The following CAMKMT variants were observed in gnomAD, a reference collection of about 807,000 sequenced individuals.
The protein encoded by CAMKMT is CaM KMT.
CAMKMT carries 53 observed loss-of-function variants against 48.0 expected under a neutral mutation model. The observed-to-expected ratio is 1.10, with a 90% CI of 0.89 to 1.39. The LOEUF (loss-of-function observed/expected upper bound fraction) is 1.39. Ranked by LOEUF, CAMKMT falls within the 40% of genes most tolerant of loss-of-function variation. The probability of loss-of-function intolerance (pLI) is 0.00; values close to 1 mark genes in which losing one functional copy is unlikely to be tolerated. For synonymous variants in CAMKMT, 165 were observed against 152.3 expected, an observed-to-expected ratio of 1.08 and a Z score of -0.61; for missense variants, 428 against 402.7, an observed-to-expected ratio of 1.06 and a Z score of -0.54.
chr2:44,683,836 A>AAAG (rs1676175450), intron 3 of CAMKMT, among the ~76,000 whole-genome samples: 2 of 150,602 alleles, frequency 1.3e-5, no homozygotes, highest in Non-Finnish European at 3.0e-5. Flanking sequence ...AAAAAAAAAA[A>AAAG]AAAAAAAGAA....
rs189470988 is a variant in CAMKMT at position 44,390,864 on chromosome 2, C to T, written c.376+559C>T. On this transcript the variant is annotated intron_variant, in intron 3 of 10. Coordinates refer to ENST00000378494, the MANE Select transcript of CAMKMT (RefSeq NM_024766.5). Reference sequence around the variant, plus strand: ...CTGATTAATTGGTGATAGATTTGTCCACTGAGAAAATCACTTAAATATTTC... The same window carrying T: ...CTGATTAATTGGTGATAGATTTGTCTACTGAGAAAATCACTTAAATATTTC... 5.3e-3 allele frequency among the ~76,000 whole-genome samples: 800 copies of T among 152,122 alleles called. 9 individuals carry two copies. Among genetic ancestry groups the T allele is most frequent in the African/African-American group, 0.018 (755 of 41,476 alleles).
chr2:44,703,914 T>C (rs1414600581), intron 3 of CAMKMT, among the ~76,000 whole-genome samples: 1 of 152,162 alleles, frequency 6.6e-6, no homozygotes, highest in South Asian at 2.1e-4. Flanking sequence ...TAATATGGGC[T>C]GCATATATAA....
chr2:44,500,304 G>C (rs1669945287), intron 3 of CAMKMT, among the ~76,000 whole-genome samples: 1 of 152,036 alleles, frequency 6.6e-6, no homozygotes, highest in African/African-American at 2.4e-5. Flanking sequence ...TTTTGAATTA[G>C]CCTCCCTTTT....
rs931290263 is a variant in CAMKMT, at chr2:44,581,163, T to G, written c.377-123120T>G. On this transcript the variant is annotated intron_variant, in intron 3 of 10. Coordinates refer to ENST00000378494, the MANE Select transcript of CAMKMT (RefSeq NM_024766.5). ...CCGATGAGATCAAAAGGAGAAATTT[T>G]CAAAGATTACCTTTTCTGAATTTGT... 3.9e-5 allele frequency among the ~76,000 whole-genome samples: 6 copies of G among 152,330 alleles called. No individual in the cohort carries two copies. The East Asian group carries it at 1.2e-3, about 29-fold the overall frequency.
intron 3 of CAMKMT, among the ~76,000 whole-genome samples, chr2:44,423,289 C>T (rs943046293): frequency 1.3e-5 from 2 of 152,124 alleles, no homozygotes; most frequent in African/African-American, 4.8e-5. Flanking sequence ...AAGTGATTCT[C>T]CTGCCTCAGC....
chr2:44,631,565 A>T, intron 3 of CAMKMT: 1 of 573,152 alleles, frequency 1.7e-6, no homozygotes, highest in Non-Finnish European at 3.1e-6. Flanking sequence ...CAGCCTCCCA[A>T]AGTGTGATTA....
intron 3 of CAMKMT, among the ~76,000 whole-genome samples, chr2:44,593,763 C>T (rs1373186544): frequency 9.8e-5 from 12 of 122,684 alleles, no homozygotes; most frequent in South Asian, 2.6e-4. Flanking sequence ...AGACAACTTC[C>T]TTTTTTTTTT....
intron 3 of CAMKMT, among the ~76,000 whole-genome samples, chr2:44,479,096 TA>T (rs1359011655): frequency 6.6e-6 from 1 of 152,228 alleles, no homozygotes; most frequent in Non-Finnish European, 1.5e-5. Flanking sequence ...TAAATATCTT[TA>T]AAAATGTATA....
In CAMKMT at chr2:44,593,844, A is replaced by G. The variant is rs182430757; in HGVS notation, c.377-110439A>G. 5.5e-3 allele frequency among the ~76,000 whole-genome samples: 785 copies of G among 142,050 alleles called. 4 individuals are homozygous for G. Among genetic ancestry groups the G allele is most frequent in the African/African-American group, 0.02 (758 of 38,000 alleles). The allele number at this position is 142,050 out of a possible 152,430, so 93.2% of individuals were successfully genotyped here. ...AATGGCGTGATCTCAGCTCACCACA[A>G]CCTCTGCCTCCCGGGTTCAAGCGAT... On this transcript the variant is annotated intron_variant, in intron 3 of 10. Coordinates refer to ENST00000378494, the MANE Select transcript of CAMKMT (RefSeq NM_024766.5).
At chr2:44,404,935 A>G (rs1295573032) in intron 3 of CAMKMT, among the ~76,000 whole-genome samples, 1 of 152,134 alleles carries the variant, frequency 6.6e-6, no homozygotes, top group Non-Finnish European at 1.5e-5. Flanking sequence ...CTATATAACT[A>G]GTGCTCCAAA....
At chr2:44,635,300 G>A (rs1433420956) in intron 3 of CAMKMT, among the ~76,000 whole-genome samples, 1 of 152,124 alleles carries the variant, frequency 6.6e-6, no homozygotes, top group Non-Finnish European at 1.5e-5. Flanking sequence ...GGTACCCTAA[G>A]GGGCTAGTTA....
chr2:44,677,217 C>T (rs1675751288), intron 3 of CAMKMT, among the ~76,000 whole-genome samples: 1 of 152,110 alleles, frequency 6.6e-6, no homozygotes, highest in Non-Finnish European at 1.5e-5. Context: ...TAAGAGCAGT[C>T]GGAGGGATTA....
At chr2:44,663,986 G>A (rs771764626) in intron 3 of CAMKMT, among the ~76,000 whole-genome samples, 4 of 152,214 alleles carry the variant, frequency 2.6e-5, no homozygotes, top group Non-Finnish European at 4.4e-5. Flanking sequence ...GATGGGGGAG[G>A]TACAGTTTAA....
chr2:44,572,002 TA>T (rs1273622311), intron 3 of CAMKMT, among the ~76,000 whole-genome samples: 1 of 152,196 alleles, frequency 6.6e-6, no homozygotes, highest in Non-Finnish European at 1.5e-5. Context: ...TGGTAAAACA[TA>T]TATAATCTTT....
intron 3 of CAMKMT, among the ~76,000 whole-genome samples, chr2:44,574,727 A>C (rs542070869): frequency 2.0e-5 from 3 of 151,886 alleles, no homozygotes; most frequent in Admixed American, 6.6e-5. Flanking sequence ...TAGGAAAATG[A>C]TATGTCTTAT....
At chr2:44,628,840 G>A (rs1263205614) in intron 3 of CAMKMT, among the ~76,000 whole-genome samples, 1 of 151,874 alleles carries the variant, frequency 6.6e-6, no homozygotes, top group African/African-American at 2.4e-5. Flanking sequence ...CATCTTTTTT[G>A]TTATTGATTT....
intron 3 of CAMKMT, among the ~76,000 whole-genome samples, chr2:44,470,410 T>C (rs1007261555): frequency 5.3e-5 from 8 of 152,210 alleles, no homozygotes; most frequent in African/African-American, 1.9e-4. Context: ...GAATGGGCAG[T>C]AGTGTCTCTC....
At position 44,769,266 on chromosome 2, in the gene CAMKMT, C is replaced by T. The variant is rs552378076; in HGVS notation, c.894+2705C>T. Among the ~76,000 whole-genome samples, 40 of 152,292 alleles carry T rather than the reference C, an allele frequency of 2.6e-4. No individual in the cohort carries two copies. The South Asian group carries it at 8.1e-3, about 31-fold the overall frequency. On this transcript the variant is annotated intron_variant, in intron 10 of 10. Coordinates refer to ENST00000378494, the MANE Select transcript of CAMKMT (RefSeq NM_024766.5). ...GTGAAATTTTATTTCCGTTAAAAAGCAAGCCTGTAATCAAAACGGTGCCAT... is the reference window on the plus strand; with the variant it reads ...GTGAAATTTTATTTCCGTTAAAAAGTAAGCCTGTAATCAAAACGGTGCCAT...
chr2:44,628,549 GTT>G (rs748325949), intron 3 of CAMKMT, among the ~76,000 whole-genome samples: 4 of 142,186 alleles, frequency 2.8e-5, no homozygotes, highest in Non-Finnish European at 4.6e-5. Context: ...TTTTTTCTAA[GTT>G]TTTTTTTTTT....
Sources: gnomAD v4.1 joint callset for allele counts (sites outside exome capture counted in the v4.1 genomes callset) on GRCh38, gnomAD v4.1.1 for gene constraint, MANE v1.5 for transcripts, NCBI Gene and HGNC (gene_info 2026-07-23, HGNC 2026-07-21) for gene names.